The following YJU2 variants were observed in gnomAD, a reference collection of about 807,000 sequenced individuals.
YJU2 encodes the protein YJU2 splicing factor homolog.
Under a neutral mutation model 39.6 loss-of-function variants are expected in YJU2, and 28 were observed. The observed-to-expected ratio is 0.71, with a 90% CI of 0.52 to 0.97. The LOEUF is 0.97. YJU2 is among the 50% of genes least tolerant of loss of function. The probability of loss-of-function intolerance (pLI) is 0.00; values close to 1 mark genes in which losing one functional copy is unlikely to be tolerated. For synonymous variants in YJU2, 184 were observed against 182.4 expected (o/e 1.01, Z -0.07); for missense variants, 328 against 430.4 (o/e 0.76, Z 2.11).
At chr19:4,252,939 A>G (rs554829640) in intron 3 of YJU2, among the ~76,000 whole-genome samples, 3 of 152,100 alleles carry the variant, frequency 2.0e-5, no homozygotes, top group Non-Finnish European at 4.4e-5. Context: ...AAAAACAAAC[A>G]AAAACTTTTT....
chr19:4,252,373 C>T (rs1024520118), intron 3 of YJU2, among the ~76,000 whole-genome samples: 3 of 150,010 alleles, frequency 2.0e-5, no homozygotes, highest in Admixed American at 2.0e-4. Flanking sequence ...CTGAGGCAGG[C>T]GGATCATGAG....
chr19:4,267,542 C>T, intron 6 of YJU2, 82 bp from the exon 7 acceptor site: 1 of 1,409,968 alleles, frequency 7.1e-7, no homozygotes, highest in Non-Finnish European at 9.9e-7. Context: ...GGGCATGGGG[C>T]AGTGAGCAGG....
intron 3 of YJU2, among the ~76,000 whole-genome samples, chr19:4,253,994 G>A (rs1970998612): frequency 6.6e-6 from 1 of 152,152 alleles, no homozygotes; most frequent in Non-Finnish European, 1.5e-5. Flanking sequence ...ATTTTTAGTA[G>A]AGACAGGGTT....
chr19:4,258,111 G>A (rs1047059521), intron 4 of YJU2, 131 bp from the exon 5 acceptor site: 1 of 1,330,618 alleles, frequency 7.5e-7, no homozygotes, highest in East Asian at 2.5e-5. Context: ...TGGGCAGGGG[G>A]TTCCCTGAGC....
intron 5 of YJU2, among the ~76,000 whole-genome samples, chr19:4,260,822 T>A (rs1971064831): frequency 6.6e-6 from 1 of 152,090 alleles, no homozygotes; most frequent in South Asian, 2.1e-4. Flanking sequence ...GAAGTCCCAA[T>A]GGGTGCTCTG....
At chr19:4,266,319 C>G (rs1480267324) in intron 6 of YJU2, among the ~76,000 whole-genome samples, 2 of 152,186 alleles carry the variant, frequency 1.3e-5, no homozygotes, top group African/African-American at 4.8e-5. Flanking sequence ...GTCAGCTTGG[C>G]ACTCAAGGTC....
intron 1 of YJU2, 146 bp from the exon 2 acceptor site, chr19:4,249,082 G>C (rs1970954290): frequency 3.3e-6 from 2 of 609,148 alleles, no homozygotes; most frequent in African/African-American, 3.7e-5. Context: ...TGACTGTACT[G>C]AGTCCTGCGA....
chr19:4,268,807 G>A lies in YJU2; in HGVS notation c.*111G>A. ...GAGGCCTTGGCGTGACTGGAGGCCG[G>A]ACAGACAAGCGCCAGCGTGCTCCAA... is the stretch of plus-strand genomic sequence containing the variant. On this transcript the variant is annotated 3_prime_UTR_variant, in exon 8 of 8. Coordinates refer to ENST00000262962, the MANE Select transcript of YJU2 (RefSeq NM_018074.6). 2.6e-6 allele frequency: 2 copies of A among 767,650 alleles called. No homozygotes were observed. Among genetic ancestry groups the A allele is most frequent in the Non-Finnish European group, 2.2e-6 (1 of 461,512 alleles). The allele number at this position is 767,650 out of a possible 1,614,324, so 47.6% of individuals were successfully genotyped here. A position where few individuals can be genotyped will look rare whatever the true frequency, so the allele number is the denominator to read the frequency against.
At chr19:4,255,146 C>G (rs1328872628) in intron 4 of YJU2, among the ~76,000 whole-genome samples, 2 of 151,540 alleles carry the variant, frequency 1.3e-5, no homozygotes, top group Admixed American at 6.6e-5. Context: ...ATTGCATGAA[C>G]CCGGGAGGCA....
rs753704702 is a variant in YJU2 at position 4,249,325 on chromosome 19, T to A, written c.122T>A (p.Met41Lys). 4 of 1,609,296 alleles carry A rather than the reference T, an allele frequency of 2.5e-6. No homozygotes were observed. The highest frequency in any genetic ancestry group is 3.4e-6 in the Non-Finnish European group (4 of 1,176,130). Residue 41 changes from methionine (M) to lysine (K), a missense_variant, in exon 2 of 8, where the codon ATG (methionine) becomes AAG (lysine). By Grantham distance (95) the Met-to-Lys change is moderately conservative. Coordinates refer to ENST00000262962, the MANE Select transcript of YJU2 (RefSeq NM_018074.6). ...GTGCGGCTGATGGCCCCCTTCAACA[T>A]GAGGTGAGCACCCCCTGCGTGACCC... ...YVVRLMAPFN[M>K]RCKTCGEYIY...
At position 4,247,184 on chromosome 19, in the gene YJU2, G is replaced by C. The variant is rs747461638; in HGVS notation, c.24+14G>C. On this transcript the variant is annotated intron_variant, in intron 1 of 7. Coordinates refer to ENST00000262962, the MANE Select transcript of YJU2 (RefSeq NM_018074.6). ...AAAGTATTAAACGTAAGTGTTGGGC[G>C]ACTGGGGCTTTTCAATCGGAGCAGG... 1.2e-6 allele frequency: 2 copies of C among 1,612,806 alleles called. No homozygotes were observed. Among genetic ancestry groups the C allele is most frequent in the East Asian group, 4.5e-5 (2 of 44,860 alleles).
intron 7 of YJU2, among the ~76,000 whole-genome samples, chr19:4,268,376 G>A (rs1971133986): frequency 6.6e-6 from 1 of 152,352 alleles, no homozygotes; most frequent in Middle Eastern, 3.4e-3. Context: ...GTTTGCATTG[G>A]CCATTGTTCA....
intron 6 of YJU2, among the ~76,000 whole-genome samples, chr19:4,262,447 C>T (rs962623856): frequency 4.1e-4 from 63 of 152,188 alleles, no homozygotes; most frequent in African/African-American, 1.4e-3. Context: ...ATCCGCCCGC[C>T]TAGGCCTCCC....
At chr19:4,247,878 T>C (rs1194569821) in intron 1 of YJU2, 1 of 151,804 alleles carries the variant, frequency 6.6e-6, no homozygotes, top group East Asian at 1.9e-4. Flanking sequence ...TGTTTTTTGG[T>C]TTTTTGAGAT....
At position 4,268,611 on chromosome 19, in the gene YJU2, A is replaced by G; in HGVS notation, c.887A>G (p.Asn296Ser). ...PGAPQNRKEA[N>S]PTPLTPGASS... is the part of the protein sequence containing the mutation. ...GCCCCGCAGAACAGGAAGGAGGCCA[A>G]CCCTACACCCCTGACGCCTGGCGCG... The change falls in exon 8 of 8, where the codon AAC (asparagine) becomes AGC (serine). Residue 296 changes from asparagine to serine, a missense_variant. Transcript: ENST00000262962. The G allele has an allele frequency of 6.2e-7, 1 of 1,613,452 alleles. No homozygotes were observed. Among genetic ancestry groups the G allele is most frequent in the Non-Finnish European group, 8.5e-7 (1 of 1,179,732 alleles).
rs574714259 is a variant in YJU2, at chr19:4,262,329, G to C, written c.708+215G>C. 3.9e-5 allele frequency among the ~76,000 whole-genome samples: 6 copies of C among 152,272 alleles called. No homozygotes were observed. The East Asian group carries it at 1.2e-3, about 29-fold the overall frequency. On this transcript the variant is annotated intron_variant, in intron 6 of 7. Coordinates refer to ENST00000262962, the MANE Select transcript of YJU2 (RefSeq NM_018074.6). ...TTCTCCTGCCTCAGCCTCCCGAGTA[G>C]CTGGGACTACAGGCACGCGCCACCA...
chr19:4,261,855 C>T, intron 5 of YJU2, 139 bp from the exon 6 acceptor site: 1 of 769,030 alleles, frequency 1.3e-6, no homozygotes, highest in Admixed American at 2.4e-5. Context: ...TCTGTGCTCC[C>T]CCTACTCCCT....
chr19:4,262,255 G>A lies in YJU2; in HGVS notation c.708+141G>A, dbSNP rs1971077431. The A allele has an allele frequency of 1.4e-5, 12 of 860,054 alleles. No homozygotes were observed. The South Asian group carries it at 2.1e-4, about 15-fold the overall frequency. 53.3% of individuals were successfully genotyped at this position (860,054 alleles called of 1,614,324 possible). ...GCTCTGTCGCCTAGGCTGGAGTGCA[G>A]TGGCACGATCTTGGCTCACTGCAAC... is the stretch of plus-strand genomic sequence containing the variant. On this transcript the variant is annotated intron_variant, in intron 6 of 7. Transcript: ENST00000262962.
Position 4,262,046 on chromosome 19 carries a change from G to A in YJU2, c.640G>A (p.Glu214Lys). 6.2e-7 allele frequency: 1 copy of A among 1,613,286 alleles called. No homozygotes were observed. Among genetic ancestry groups the A allele is most frequent in the South Asian group, 1.1e-5 (1 of 91,086 alleles). Residue 214 changes from glutamate (E) to lysine (K), a missense_variant, in exon 6 of 8, where the codon GAG becomes AAG. Coordinates refer to ENST00000262962, the MANE Select transcript of YJU2 (RefSeq NM_018074.6). ...AAGACTGCTGGAGGACTCCGACTCA[G>A]AGGATGAGGCTGCTCCCTCGCCCCT... Reference protein sequence around the residue: ...KRRLLEDSDSEDEAAPSPLQP... With the variant: ...KRRLLEDSDSKDEAAPSPLQP...
Sources: gnomAD v4.1 joint callset for allele counts (sites outside exome capture counted in the v4.1 genomes callset) on GRCh38, gnomAD v4.1.1 for gene constraint, MANE v1.5 for transcripts, NCBI Gene and HGNC (gene_info 2026-07-23, HGNC 2026-07-21) for gene names.